Variants in MRPL14 observed in about 807,000 individuals in gnomAD.
MRPL14 encodes large ribosomal subunit protein uL14m.
A neutral mutation model predicts 10.9 loss-of-function variants in MRPL14; 8 were observed. The observed-to-expected ratio is 0.74, with a 90% confidence interval of 0.43 to 1.33. The LOEUF is 1.33. Among genes scored for constraint, MRPL14 ranks in the 40% most tolerant of loss-of-function variants. The probability of loss-of-function intolerance (pLI) is 0.01; values close to 1 mark genes in which losing one functional copy is unlikely to be tolerated. For missense variants in MRPL14, 179 were observed against 194.5 expected, an observed-to-expected ratio of 0.92 and a Z score of 0.47; for synonymous variants, 82 against 74.1, an observed-to-expected ratio of 1.11 and a Z score of -0.54.
At chr6:44,116,761 G>C in intron 1 of MRPL14, 132 bp from the exon 2 acceptor site, 1 of 648,194 alleles carries the variant, frequency 1.5e-6, no homozygotes, top group Admixed American at 2.6e-5. Context: ...AAATCTTAGT[G>C]GTTAAAGGAT....
intron 1 of MRPL14, among the ~76,000 whole-genome samples, chr6:44,119,955 T>C (rs1776241958): frequency 6.6e-6 from 1 of 152,112 alleles, no homozygotes; most frequent in Non-Finnish European, 1.5e-5. Flanking sequence ...ACACTGACAT[T>C]AGTCCAAGAA....
intron 1 of MRPL14, 28 bp from the exon 2 acceptor site, chr6:44,116,657 T>C (rs752145240): frequency 4.4e-6 from 7 of 1,579,634 alleles, no homozygotes; most frequent in Non-Finnish European, 6.1e-6. Flanking sequence ...GGGGGAAAAA[T>C]TGGTTTCTAA....
intron 2 of MRPL14, among the ~76,000 whole-genome samples, chr6:44,115,193 T>TC (rs1407833354): frequency 2.0e-5 from 3 of 151,758 alleles, no homozygotes; most frequent in Non-Finnish European, 4.4e-5. Flanking sequence ...TCTCTCGTTT[T>TC]TTATGCCTAC....
rs552995419 is a variant in MRPL14, at chr6:44,121,226, T to C, written c.-18-4597A>G. ...GTTCCTTCTCTACAACACTCTCACT[T>C]AGAGGAGGCCAGGTATTTGGAAAAC... On this transcript the variant is annotated intron_variant, in intron 1 of 2. Coordinates refer to ENST00000372014, the MANE Select transcript of MRPL14 (RefSeq NM_032111.4). 4.0e-5 allele frequency among the ~76,000 whole-genome samples: 6 copies of C among 151,770 alleles called. No individual in the cohort carries two copies. In the South Asian group the frequency reaches 1.3e-3, roughly 32 times the overall value.
At chr6:44,115,173 TAGGA>T (rs1775719147) in intron 2 of MRPL14, among the ~76,000 whole-genome samples, 1 of 124,620 alleles carries the variant, frequency 8.0e-6, no homozygotes, top group African/African-American at 3.5e-5. Flanking sequence ...AGGGTAATCC[TAGGA>T]CCTCTTCTCT....
intron 1 of MRPL14, among the ~76,000 whole-genome samples, chr6:44,118,718 A>G (rs1187363922): frequency 6.6e-6 from 1 of 152,128 alleles, no homozygotes; most frequent in Non-Finnish European, 1.5e-5. Flanking sequence ...TAATCCCAGC[A>G]CTTTGGGAGG....
chr6:44,121,888 G>A (rs1381524012), intron 1 of MRPL14, among the ~76,000 whole-genome samples: 5 of 148,098 alleles, frequency 3.4e-5, no homozygotes, highest in African/African-American at 7.5e-5. Flanking sequence ...GCAGTGAGCC[G>A]AGATCACACC....
chr6:44,113,890 C>T lies in MRPL14; in HGVS notation c.391G>A (p.Glu131Lys), dbSNP rs1440877733. 1.9e-6 allele frequency: 3 copies of T among 1,598,126 alleles called. No homozygotes were observed. Among genetic ancestry groups the T allele is most frequent in the African/African-American group, 1.3e-5 (1 of 74,426 alleles). ...TPIPTSLRKR[E>K]GEYSKVLAIA... ...GCCAGCACCTTGGAATACTCGCCTT[C>T]CCGCTTGCGCAGGCTGGTGGGGATG... The change falls in exon 3 of 3, where the codon GAA (glutamate) becomes AAA (lysine). Residue 131 changes from glutamate to lysine, a missense_variant. Transcript: ENST00000372014.
At chr6:44,125,316 G>A (rs1052827661) in intron 1 of MRPL14, among the ~76,000 whole-genome samples, 5 of 152,124 alleles carry the variant, frequency 3.3e-5, no homozygotes, top group Admixed American at 3.3e-4. Context: ...GAATCCACAT[G>A]CTCAGATTCA....
chr6:44,123,890 G>T (rs1308458775), intron 1 of MRPL14, among the ~76,000 whole-genome samples: 1 of 152,086 alleles, frequency 6.6e-6, no homozygotes, highest in African/African-American at 2.4e-5. Flanking sequence ...GTAAGCAGTA[G>T]TACTTAGATA....
At chr6:44,114,618 T>C (rs1014690321) in intron 2 of MRPL14, among the ~76,000 whole-genome samples, 12 of 132,844 alleles carry the variant, frequency 9.0e-5, no homozygotes, top group Non-Finnish European at 1.6e-4. Flanking sequence ...CCTAATTTTC[T>C]TTTTTTTTGA....
intron 1 of MRPL14, among the ~76,000 whole-genome samples, chr6:44,123,378 C>T (rs1776635468): frequency 3.9e-5 from 6 of 152,226 alleles, no homozygotes; most frequent in Admixed American, 3.9e-4. Context: ...AAATGTTCCA[C>T]ATGCAGGGCA....
At chr6:44,122,661 G>A (rs1776563390) in intron 1 of MRPL14, among the ~76,000 whole-genome samples, 1 of 152,090 alleles carries the variant, frequency 6.6e-6, no homozygotes, top group Non-Finnish European at 1.5e-5. Context: ...AAAAAGTTCA[G>A]CACAATCACA....
Position 44,116,583 on chromosome 6 carries a change from G to T in MRPL14, c.29C>A (p.Pro10His). ...CAGCACTCTGCTTACACAGGTGAAG[G>T]GGCCCCAGAGCCCAGTAAAGAAAGC... MAFFTGLWGPFTCVSRVLSH... is the reference protein window; with the variant it reads MAFFTGLWGHFTCVSRVLSH... Residue 10 changes from proline to histidine, a missense_variant, in exon 2 of 3, where the codon CCC (proline) becomes CAC (histidine). Coordinates refer to ENST00000372014, the MANE Select transcript of MRPL14 (RefSeq NM_032111.4). 6.2e-7 allele frequency: 1 copy of T among 1,614,158 alleles called. No homozygotes were observed. The highest frequency in any genetic ancestry group is 8.5e-7 in the Non-Finnish European group (1 of 1,180,014).
In MRPL14 at chr6:44,114,056, C is replaced by T; in HGVS notation, c.225G>A (p.Leu75=). 6.2e-7 allele frequency: 1 copy of T among 1,614,186 alleles called. No individual in the cohort carries two copies. Among genetic ancestry groups the T allele is most frequent in the Non-Finnish European group, 8.5e-7 (1 of 1,180,036 alleles). Reference sequence around the variant, plus strand: ...CCTTTTTCTTCTGTCCCTTGATGGCCAGTAGTATCTGGTCGCCCACCTTGC... The same window carrying T: ...CCTTTTTCTTCTGTCCCTTGATGGCTAGTAGTATCTGGTCGCCCACCTTGC... ...GVGKVGDQIL[L]AIKGQKKKAL... Residue 75 remains leucine (L), a synonymous_variant, in exon 3 of 3, where the codon CTG becomes CTA. Coordinates refer to ENST00000372014, the MANE Select transcript of MRPL14 (RefSeq NM_032111.4).
chr6:44,118,117 G>A (rs551714994), intron 1 of MRPL14, among the ~76,000 whole-genome samples: 1 of 152,208 alleles, frequency 6.6e-6, no homozygotes, highest in Non-Finnish European at 1.5e-5. Context: ...TGCAAAAGAA[G>A]GCAGCTAATG....
rs575371794 is a variant in MRPL14 at position 44,114,293 on chromosome 6, G to T, written c.72-84C>A. The T allele has an allele frequency of 6.8e-6, 10 of 1,462,670 alleles. No individual in the cohort carries two copies. In the Admixed American group the frequency reaches 2.1e-4, roughly 31 times the overall value. The allele number at this position is 1,462,670 out of a possible 1,614,324, so 90.6% of individuals were successfully genotyped here. A position where few individuals can be genotyped will look rare whatever the true frequency, so the allele number is the denominator to read the frequency against. ...GCCTCTGAGAGGTCAAGGCTAGGGA[G>T]AATGTACATGTCAGCAACACACACA... On this transcript the variant is annotated intron_variant, in intron 2 of 2. Coordinates refer to ENST00000372014, the MANE Select transcript of MRPL14 (RefSeq NM_032111.4).
chr6:44,126,545 C>G, intron 1 of MRPL14, among the ~76,000 whole-genome samples: 1 of 152,206 alleles, frequency 6.6e-6, no homozygotes, highest in East Asian at 1.9e-4. Context: ...AATTATCTCC[C>G]AAACTCCCAG....
At chr6:44,118,357 G>A (rs1164408600) in intron 1 of MRPL14, among the ~76,000 whole-genome samples, 1 of 152,142 alleles carries the variant, frequency 6.6e-6, no homozygotes. Context: ...TTACCTATTA[G>A]CTATCATCAT....
Sources: gnomAD v4.1 joint callset for allele counts (sites outside exome capture counted in the v4.1 genomes callset) on GRCh38, gnomAD v4.1.1 for gene constraint, MANE v1.5 for transcripts, NCBI Gene and HGNC (gene_info 2026-07-23, HGNC 2026-07-21) for gene names.